Variants in ACACB observed in about 807,000 individuals in gnomAD.
ACACB encodes acetyl-CoA carboxylase 2.
Under a neutral mutation model 278.8 loss-of-function variants are expected in ACACB, and 209 were observed. That is an observed-to-expected ratio of 0.75 (90% confidence interval 0.67 to 0.84). The LOEUF (loss-of-function observed/expected upper bound fraction) is 0.84. ACACB is among the 40% of genes least tolerant of loss of function. ACACB has a pLI of 0.00. For missense variants in ACACB, 2,850 were observed against 3,269.0 expected, an observed-to-expected ratio of 0.87 and a Z score of 3.13; for synonymous variants, 1,174 against 1,285.6, an observed-to-expected ratio of 0.91 and a Z score of 1.86.
intron 28 of ACACB, among the ~76,000 whole-genome samples, chr12:109,230,792 T>C (rs1261634465): frequency 1.3e-5 from 2 of 152,178 alleles, no homozygotes; most frequent in Non-Finnish European, 2.9e-5. Flanking sequence ...GCGGCTCTCC[T>C]GAGGGCTGTG....
intron 39 of ACACB, among the ~76,000 whole-genome samples, chr12:109,246,663 G>T (rs1013527157): frequency 4.6e-5 from 7 of 152,084 alleles, no homozygotes; most frequent in Admixed American, 2.6e-4. Context: ...ATCTAAAAAG[G>T]CTCCTTAACG....
rs578067891 is a variant in ACACB, at chr12:109,224,516, G to C, written c.3882+612G>C. 3.3e-5 allele frequency among the ~76,000 whole-genome samples: 5 copies of C among 149,788 alleles called. No individual in the cohort carries two copies. The East Asian group carries it at 5.8e-4, about 17-fold the overall frequency. On this transcript the variant is annotated intron_variant, in intron 27 of 52. Transcript: ENST00000338432. ...GTTGTGTTGGTTCCAGGAAATCAGA[G>C]TTTTAAATCTGCTCTTTTATTATTA...
At chr12:109,260,268 A>C (rs959605393) in intron 47 of ACACB, 75 of 1,214,816 alleles carry the variant, frequency 6.2e-5, no homozygotes, top group Non-Finnish European at 8.0e-5. Context: ...GTGCCTTCAC[A>C]GATGAGGCCA....
chr12:109,174,752 C>T (rs762701538), intron 7 of ACACB, among the ~76,000 whole-genome samples: 4 of 151,918 alleles, frequency 2.6e-5, no homozygotes, highest in Admixed American at 6.6e-5. Context: ...TACCTGTAGT[C>T]CCAACTACTG....
upstream of ACACB, among the ~76,000 whole-genome samples, chr12:109,112,688 C>CAAAA (rs57131257): frequency 2.9e-5 from 3 of 103,316 alleles, no homozygotes; most frequent in Non-Finnish European, 2.1e-5. Flanking sequence ...AACTCCGTCT[C>CAAAA]AAAAAAAAAA....
At chr12:109,252,236 G>A (rs1304716298) in intron 42 of ACACB, 80 bp downstream of exon 42, 9 of 989,184 alleles carry the variant, frequency 9.1e-6, no homozygotes, top group African/African-American at 5.0e-5. Flanking sequence ...CTCTGGTGGG[G>A]GATTTTTCTC....
Position 109,168,005 on chromosome 12 carries a change from T to C in ACACB, c.896T>C (p.Val299Ala), listed in dbSNP as rs1442947187. The change falls in exon 4 of 53, where the codon GTG (valine) becomes GCG (alanine). Residue 299 changes from valine (V) to alanine (A), a missense_variant. Coordinates refer to ENST00000338432, the MANE Select transcript of ACACB (RefSeq NM_001093.4). Reference sequence around the variant, plus strand: ...CGGGCCATCCGGTTTGTTGTGATGGTGACCCCCGAGGACCTTAAGGCCAAC... The same window carrying C: ...CGGGCCATCCGGTTTGTTGTGATGGCGACCCCCGAGGACCTTAAGGCCAAC... ...NERAIRFVVM[V>A]TPEDLKANAE... 10 of 1,613,372 alleles carry C rather than the reference T, an allele frequency of 6.2e-6. No individual in the cohort carries two copies. The highest frequency in any genetic ancestry group is 7.6e-6 in the Non-Finnish European group (9 of 1,179,710).
chr12:109,204,311 G>A (rs1593549782), intron 19 of ACACB, among the ~76,000 whole-genome samples: 1 of 88,808 alleles, frequency 1.1e-5, no homozygotes, highest in Admixed American at 1.7e-4. Flanking sequence ...TTTTGCTCTT[G>A]TCGCCCAGGC....
In ACACB at chr12:109,185,720, A is replaced by G; in HGVS notation, c.1960A>G (p.Thr654Ala). The G allele has an allele frequency of 6.2e-7, 1 of 1,611,118 alleles. No homozygotes were observed. The highest frequency in any genetic ancestry group is 1.7e-5 in the Admixed American group (1 of 59,768). Residue 654 changes from threonine to alanine, a missense_variant, in exon 12 of 53, where the codon ACC becomes GCC. Transcript: ENST00000338432. ...ARGHVIAARI[T>A]SENPDEGFKP... ...AGGCCACGTCATTGCCGCCAGAATC[A>G]CCAGCGAAAACCCAGACGAGGCAAG...
chr12:109,239,615 A>G (rs1209272538), intron 34 of ACACB, among the ~76,000 whole-genome samples: 1 of 152,262 alleles, frequency 6.6e-6, no homozygotes, highest in Non-Finnish European at 1.5e-5. Flanking sequence ...TCAAAGTGTC[A>G]GAATGCAGAA....
chr12:109,201,117 G>A (rs1565915177), intron 18 of ACACB, among the ~76,000 whole-genome samples: 1 of 152,246 alleles, frequency 6.6e-6, no homozygotes, highest in African/African-American at 2.4e-5. Context: ...AATTAAAAGG[G>A]CTGATGAGCA....
chr12:109,137,985 A>G (rs1326786788), intron 1 of ACACB, among the ~76,000 whole-genome samples: 2 of 150,516 alleles, frequency 1.3e-5, no homozygotes, highest in Non-Finnish European at 3.0e-5. Flanking sequence ...TGCAACCTCC[A>G]CCTCCAGGTT....
intron 2 of ACACB, among the ~76,000 whole-genome samples, chr12:109,147,009 G>A (rs1039955912): frequency 2.6e-5 from 4 of 152,002 alleles, no homozygotes; most frequent in Non-Finnish European, 4.4e-5. Flanking sequence ...AAGGGGCTCT[G>A]TGTTTTCATT....
rs748746665 is a variant in ACACB, at chr12:109,209,264, C to G, written c.3160C>G (p.Pro1054Ala). 1 of 1,612,268 alleles carries G rather than the reference C, an allele frequency of 6.2e-7. No homozygotes were observed. The highest frequency in any genetic ancestry group is 1.1e-5 in the South Asian group (1 of 90,804). The change falls in exon 21 of 53, where the codon CCC becomes GCC. Residue 1054 changes from proline (P) to alanine (A), a missense_variant. This residue lies in a region of ACACB where 2,265 missense variants were observed against 2,561.3 expected (regional missense o/e 0.88). Coordinates refer to ENST00000338432, the MANE Select transcript of ACACB (RefSeq NM_001093.4). ...CATGACCAGCGTGGCAGGCCGCATC[C>G]CCGCCCCTGTGGAGAAGTCTGTCCG... is the stretch of plus-strand genomic sequence containing the variant. The part of the protein sequence containing the change: ...EIMTSVAGRI[P>A]APVEKSVRRV...
At chr12:109,204,768 C>T (rs55867191) in intron 19 of ACACB, among the ~76,000 whole-genome samples, 8,313 of 152,174 alleles carry the variant, frequency 0.055, 479 homozygotes, top group African/African-American at 0.15. Flanking sequence ...TTCTGCCCAG[C>T]TTATTTCACT....
chr12:109,158,286 G>A (rs559321770), intron 2 of ACACB, among the ~76,000 whole-genome samples: 26 of 151,806 alleles, frequency 1.7e-4, no homozygotes, highest in African/African-American at 6.0e-4. Context: ...GCCTGGCTGT[G>A]TTTCAATCAG....
At chr12:109,123,674 C>T (rs1286606786) in intron 1 of ACACB, among the ~76,000 whole-genome samples, 170 of 149,150 alleles carry the variant, frequency 1.1e-3, no homozygotes, top group African/African-American at 4.1e-3. Context: ...GCCTGGGTGA[C>T]AGAGTGAGAC....
intron 28 of ACACB, among the ~76,000 whole-genome samples, chr12:109,230,765 C>T (rs1232928656): frequency 1.3e-5 from 2 of 152,158 alleles, no homozygotes; most frequent in East Asian, 3.9e-4. Flanking sequence ...CAAGTCAGCC[C>T]TGTTAGGAAG....
At chr12:109,227,592 C>A in intron 28 of ACACB, 103 bp downstream of exon 28, 2 of 1,071,692 alleles carry the variant, frequency 1.9e-6, no homozygotes, top group Non-Finnish European at 2.8e-6. Context: ...GGGCACGCTG[C>A]TGGGGAGACA....
Sources: gnomAD v4.1 joint callset for allele counts (sites outside exome capture counted in the v4.1 genomes callset) on GRCh38, gnomAD v4.1.1 for gene constraint, gnomAD v4.1.1 regional missense constraint, MANE v1.5 for transcripts, NCBI Gene and HGNC (gene_info 2026-07-23, HGNC 2026-07-21) for gene names.